The following EPHA6 variants were observed in gnomAD, a reference collection of about 807,000 sequenced individuals.
EPHA6 encodes ephrin type-A receptor 6.
A neutral mutation model predicts 112.0 loss-of-function variants in EPHA6; 50 were observed. The observed-to-expected ratio is 0.45, with a 90% CI of 0.36 to 0.56. The LOEUF is 0.56. Among genes scored for constraint, EPHA6 ranks in the 20% least tolerant of loss-of-function variants. The pLI is 0.00. For synonymous variants in EPHA6, 529 were observed against 490.7 expected (o/e 1.08, Z -1.03); for missense variants, 1,280 against 1,417.4 (o/e 0.90, Z 1.56).
intron 3 of EPHA6, among the ~76,000 whole-genome samples, chr3:97,210,405 G>A (rs1270078404): frequency 6.6e-6 from 1 of 152,076 alleles, no homozygotes; most frequent in Non-Finnish European, 1.5e-5. Flanking sequence ...CACAAGAACA[G>A]CATGAGGGAA....
At chr3:96,860,445 T>A (rs2035944476) in intron 1 of EPHA6, among the ~76,000 whole-genome samples, 1 of 152,124 alleles carries the variant, frequency 6.6e-6, no homozygotes, top group African/African-American at 2.4e-5. Context: ...ATGGCCATTA[T>A]ATTGTAGATA....
intron 14 of EPHA6, chr3:97,648,569 C>A: frequency 8.2e-7 from 1 of 1,213,134 alleles, no homozygotes; most frequent in Non-Finnish European, 1.0e-6. Context: ...AATATTTTAA[C>A]ACAAGTGAGA....
chr3:97,225,568 T>G (rs1256761246), intron 3 of EPHA6, among the ~76,000 whole-genome samples: 1 of 152,140 alleles, frequency 6.6e-6, no homozygotes, highest in Admixed American at 6.5e-5. Flanking sequence ...TATTAATAAG[T>G]TATTGAAGAG....
chr3:96,909,609 A>T (rs1044339243), intron 2 of EPHA6, among the ~76,000 whole-genome samples: 1 of 152,004 alleles, frequency 6.6e-6, no homozygotes, highest in African/African-American at 2.4e-5. Context: ...GGCTCAACTG[A>T]TCATTACACT....
chr3:96,848,454 C>T (rs938026536), intron 1 of EPHA6, among the ~76,000 whole-genome samples: 6 of 151,866 alleles, frequency 4.0e-5, no homozygotes, highest in Non-Finnish European at 7.4e-5. Context: ...TGGTGAAACT[C>T]CGTCTATACT....
In EPHA6 at chr3:97,209,533, A is replaced by G. The variant is rs144344924; in HGVS notation, c.1115-16731A>G. ...AATAGAATAAATATATAAAACATCA[A>G]TTTGTACTGGATGAAAATTGTGATT... On this transcript the variant is annotated intron_variant, in intron 3 of 17. Coordinates refer to ENST00000389672, the MANE Select transcript of EPHA6 (RefSeq NM_001080448.3). 3.3e-3 allele frequency among the ~76,000 whole-genome samples: 504 copies of G among 152,258 alleles called. 4 individuals carry two copies. Among genetic ancestry groups the G allele is most frequent in the Non-Finnish European group, 6.1e-3 (414 of 68,004 alleles).
intron 11 of EPHA6, among the ~76,000 whole-genome samples, chr3:97,538,100 A>T (rs1415547562): frequency 6.6e-6 from 1 of 152,162 alleles, no homozygotes; most frequent in Admixed American, 6.5e-5. Context: ...TTAGAGGAGC[A>T]CCTAATAAGC....
At chr3:97,561,322 G>A (rs1164289286) in intron 11 of EPHA6, among the ~76,000 whole-genome samples, 1 of 152,076 alleles carries the variant, frequency 6.6e-6, no homozygotes, top group Non-Finnish European at 1.5e-5. Flanking sequence ...AAACAGCCCA[G>A]TTGTAAATGC....
chr3:97,434,385 A>T (rs573931119), intron 6 of EPHA6, among the ~76,000 whole-genome samples: 1 of 152,310 alleles, frequency 6.6e-6, no homozygotes, highest in South Asian at 2.1e-4. Context: ...TATTAAAAAA[A>T]AGTTAACTGC....
intron 3 of EPHA6, among the ~76,000 whole-genome samples, chr3:97,079,606 TAAAA>T (rs71113851): frequency 8.8e-6 from 1 of 113,266 alleles, no homozygotes; most frequent in Non-Finnish European, 2.1e-5. Flanking sequence ...AAATTAAAAG[TAAAA>T]AAAAAAAAAA....
At chr3:97,705,924 C>T (rs893170546) in intron 14 of EPHA6, among the ~76,000 whole-genome samples, 1 of 152,154 alleles carries the variant, frequency 6.6e-6, no homozygotes, top group African/African-American at 2.4e-5. Context: ...ACGCAGTGCT[C>T]CAGTGATGTC....
At chr3:97,409,925 T>C (rs866810516) in intron 6 of EPHA6, among the ~76,000 whole-genome samples, 2 of 152,234 alleles carry the variant, frequency 1.3e-5, no homozygotes, top group Middle Eastern at 3.4e-3. Flanking sequence ...CCTGCCAGTG[T>C]TTCACCTAGT....
At chr3:97,149,489 A>C (rs2108371503) in intron 3 of EPHA6, among the ~76,000 whole-genome samples, 1 of 152,210 alleles carries the variant, frequency 6.6e-6, no homozygotes, top group African/African-American at 2.4e-5. Context: ...ATATTCCTTA[A>C]AGTAATGATG....
At position 97,755,764 on chromosome 3, in the gene EPHA6, T is replaced by C. The variant is rs1200334009; in HGVS notation, c.*7063T>C. 6.6e-6 allele frequency among the ~76,000 whole-genome samples: 1 copy of C among 152,132 alleles called. No homozygotes were observed. The highest frequency in any genetic ancestry group is 2.4e-5 in the African/African-American group (1 of 41,454). On this transcript the variant is annotated 3_prime_UTR_variant, in exon 18 of 18. Transcript: ENST00000389672. ...TGAGAAGCAAATTGATGTGAACATT[T>C]CTCTACAAGTTTTTCCACATTTGTA...
chr3:96,868,880 G>A (rs1214684306), intron 2 of EPHA6, among the ~76,000 whole-genome samples: 1 of 151,776 alleles, frequency 6.6e-6, no homozygotes, highest in Non-Finnish European at 1.5e-5. Context: ...CATTCCACTA[G>A]TAATATCATG....
At chr3:97,473,862 T>A (rs1346441365) in intron 7 of EPHA6, among the ~76,000 whole-genome samples, 1 of 151,868 alleles carries the variant, frequency 6.6e-6, no homozygotes, top group Admixed American at 6.6e-5. Context: ...TCTGCACAGA[T>A]TATGAGTGAA....
chr3:96,872,534 C>G (rs1353998018), intron 2 of EPHA6, among the ~76,000 whole-genome samples: 1 of 152,114 alleles, frequency 6.6e-6, no homozygotes, highest in East Asian at 1.9e-4. Context: ...GCAACACATT[C>G]TCTGAATTTT....
intron 14 of EPHA6, among the ~76,000 whole-genome samples, chr3:97,716,597 A>AAG: frequency 6.6e-6 from 1 of 150,928 alleles, no homozygotes; most frequent in Non-Finnish European, 1.5e-5. Context: ...AAAAAAAAAA[A>AAG]AGAAAAGACC....
intron 6 of EPHA6, among the ~76,000 whole-genome samples, chr3:97,432,896 T>G (rs1215215436): frequency 2.6e-5 from 4 of 152,118 alleles, no homozygotes; most frequent in African/African-American, 9.7e-5. Flanking sequence ...GTTTCTTCCT[T>G]GACATATGGG....
Sources: allele counts gnomAD v4.1 joint callset (sites outside exome capture counted in the v4.1 genomes callset), GRCh38; gene constraint gnomAD v4.1.1; transcripts MANE v1.5; gene names NCBI Gene and HGNC (gene_info 2026-07-23, HGNC 2026-07-21).